Variants in EYA4 observed in about 807,000 individuals in gnomAD.
The protein encoded by EYA4 is EYA transcriptional coactivator and phosphatase 4, also known as protein phosphatase EYA4.
A neutral mutation model predicts 87.9 loss-of-function variants in EYA4; 31 were observed. The ratio of observed to expected loss-of-function variants is 0.35; its 90% CI spans 0.27 to 0.48. EYA4 has a LOEUF of 0.48. Among genes scored for constraint, EYA4 ranks in the 20% least tolerant of loss-of-function variants. The probability of loss-of-function intolerance (pLI) is 0.99; values close to 1 mark genes in which losing one functional copy is unlikely to be tolerated. For synonymous variants in EYA4, 263 were observed against 270.6 expected, an observed-to-expected ratio of 0.97 and a Z score of 0.28; for missense variants, 678 against 761.4, an observed-to-expected ratio of 0.89 and a Z score of 1.29.
At chr6:133,275,753 A>T (rs762235210) in intron 2 of EYA4, among the ~76,000 whole-genome samples, 2 of 152,124 alleles carry the variant, frequency 1.3e-5, no homozygotes, top group South Asian at 2.1e-4. Context: ...TTTCTAGTGG[A>T]TATTTTATTT....
At chr6:133,326,754 C>T (rs918191499) in intron 2 of EYA4, among the ~76,000 whole-genome samples, 4 of 152,218 alleles carry the variant, frequency 2.6e-5, no homozygotes, top group Non-Finnish European at 5.9e-5. Context: ...ATCCCTTCAC[C>T]GTGACTGAAG....
intron 2 of EYA4, among the ~76,000 whole-genome samples, chr6:133,336,365 T>C (rs1418183077): frequency 6.6e-6 from 1 of 152,186 alleles, no homozygotes; most frequent in African/African-American, 2.4e-5. Context: ...GATTGTGTGA[T>C]GTGATAGAAT....
chr6:133,354,809 T>C (rs1783892455), intron 2 of EYA4, among the ~76,000 whole-genome samples: 1 of 152,336 alleles, frequency 6.6e-6, no homozygotes, highest in South Asian at 2.1e-4. Flanking sequence ...ACTTTATTTC[T>C]GTTTATGAAG....
chr6:133,253,564 C>A (rs1775095617), intron 1 of EYA4, among the ~76,000 whole-genome samples: 2 of 151,976 alleles, frequency 1.3e-5, no homozygotes, highest in Admixed American at 1.3e-4. Context: ...TTTTTTCTCC[C>A]TGGCATATTC....
At chr6:133,491,111 G>T (rs74950525) in intron 13 of EYA4, among the ~76,000 whole-genome samples, 1 of 152,022 alleles carries the variant, frequency 6.6e-6, no homozygotes, top group Non-Finnish European at 1.5e-5. Flanking sequence ...TGACCAATGG[G>T]TCAATGAAAA....
At position 133,385,444 on chromosome 6, in the gene EYA4, A is replaced by T. The variant is rs867368026; in HGVS notation, c.83+3003A>T. ...GTGTGTGTGTGTGTGTGTGTGTGAGAGAGAGAGAGAGAGATTCAGATTGAG... is the reference window on the plus strand; with the variant it reads ...GTGTGTGTGTGTGTGTGTGTGTGAGTGAGAGAGAGAGAGATTCAGATTGAG... On this transcript the variant is annotated intron_variant, in intron 3 of 19. Transcript: ENST00000355286. Among the ~76,000 whole-genome samples the T allele has an allele frequency of 3.9e-3, 549 of 142,258 alleles. 6 individuals carry two copies. The highest frequency in any genetic ancestry group is 0.014 in the African/African-American group (505 of 35,170). 93.3% of individuals were successfully genotyped at this position (142,258 alleles called of 152,430 possible).
At chr6:133,242,011 G>T (rs1773986882) in intron 1 of EYA4, among the ~76,000 whole-genome samples, 2 of 152,176 alleles carry the variant, frequency 1.3e-5, no homozygotes, top group Admixed American at 6.5e-5. Context: ...AAGCCCCAAG[G>T]GTCCCTTCCG....
rs569207067 is a variant in EYA4 at position 133,431,537 on chromosome 6, A to T, written c.84-15093A>T. 5.3e-5 allele frequency among the ~76,000 whole-genome samples: 8 copies of T among 152,338 alleles called. No individual in the cohort carries two copies. In the South Asian group the frequency reaches 1.7e-3, roughly 32 times the overall value. On this transcript the variant is annotated intron_variant, in intron 3 of 19. Transcript: ENST00000355286. ...TATTCATATAGAAATCATTCAGTTGATGCTAGTTGACTAATCACTCCTCAT... is the reference window on the plus strand; with the variant it reads ...TATTCATATAGAAATCATTCAGTTGTTGCTAGTTGACTAATCACTCCTCAT...
chr6:133,477,687 A>C (rs938352079), intron 11 of EYA4, among the ~76,000 whole-genome samples: 2 of 152,046 alleles, frequency 1.3e-5, no homozygotes, highest in East Asian at 1.9e-4. Flanking sequence ...TTCTGCAGTC[A>C]TACCAGTGTT....
At chr6:133,383,341 C>A (rs1222370328) in intron 3 of EYA4, among the ~76,000 whole-genome samples, 1 of 151,548 alleles carries the variant, frequency 6.6e-6, no homozygotes, top group East Asian at 2.0e-4. Context: ...ATGGTGAAAC[C>A]CCATCTCTAC....
At position 133,274,723 on chromosome 6, in the gene EYA4, T is replaced by C; in HGVS notation, c.-58T>C. ...TCCATCTTCTTGTTTTAGATAGTCA[T>C]TTTTACTTGAAGGAAGCTGCTTCTA... On this transcript the variant is annotated 5_prime_UTR_variant, in exon 2 of 20. Transcript: ENST00000355286. The C allele has an allele frequency of 1.0e-5, 15 of 1,467,796 alleles. No homozygotes were observed. Among genetic ancestry groups the C allele is most frequent in the Non-Finnish European group, 1.4e-5 (15 of 1,047,300 alleles). 90.9% of individuals were successfully genotyped at this position (1,467,796 alleles called of 1,614,324 possible).
chr6:133,371,316 G>A (rs1364504383), intron 2 of EYA4, among the ~76,000 whole-genome samples: 2 of 152,126 alleles, frequency 1.3e-5, no homozygotes, highest in Non-Finnish European at 2.9e-5. Flanking sequence ...AAGTTTTCCC[G>A]TTTGGTTTAC....
chr6:133,527,806 G>A (rs1800756940), intron 19 of EYA4, among the ~76,000 whole-genome samples: 1 of 152,060 alleles, frequency 6.6e-6, no homozygotes, highest in Non-Finnish European at 1.5e-5. Context: ...TTATATACAT[G>A]AATATTTTAT....
At chr6:133,466,922 T>A (rs1794901905) in intron 10 of EYA4, among the ~76,000 whole-genome samples, 1 of 152,114 alleles carries the variant, frequency 6.6e-6, no homozygotes, top group African/African-American at 2.4e-5. Context: ...TGGGAGGCTA[T>A]GATAGCATTT....
chr6:133,288,237 T>G (rs1778224637), intron 2 of EYA4, among the ~76,000 whole-genome samples: 1 of 152,140 alleles, frequency 6.6e-6, no homozygotes, highest in Non-Finnish European at 1.5e-5. Context: ...CCAGTAAAAT[T>G]TTATTTACAA....
At chr6:133,299,638 G>A (rs1033141723) in intron 2 of EYA4, among the ~76,000 whole-genome samples, 33 of 151,790 alleles carry the variant, frequency 2.2e-4, no homozygotes, top group African/African-American at 7.7e-4. Flanking sequence ...CGTGAACCCG[G>A]GAGGCGGAGC....
At chr6:133,294,140 C>T (rs1298246929) in intron 2 of EYA4, among the ~76,000 whole-genome samples, 17 of 141,306 alleles carry the variant, frequency 1.2e-4, no homozygotes, top group Admixed American at 3.7e-4. Flanking sequence ...TTATGAGTTG[C>T]GACAGTGATG....
chr6:133,320,689 T>G (rs1428038584), intron 2 of EYA4, among the ~76,000 whole-genome samples: 1 of 152,116 alleles, frequency 6.6e-6, no homozygotes. Context: ...AACCCTCCCC[T>G]CTTTTTGGAT....
At chr6:133,444,033 A>G (rs1792561384) in intron 3 of EYA4, among the ~76,000 whole-genome samples, 1 of 152,210 alleles carries the variant, frequency 6.6e-6, no homozygotes, top group African/African-American at 2.4e-5. Flanking sequence ...ACTGTCAATT[A>G]GGTCACATTG....
Sources: gnomAD v4.1 joint callset for allele counts (sites outside exome capture counted in the v4.1 genomes callset) on GRCh38, gnomAD v4.1.1 for gene constraint, MANE v1.5 for transcripts, NCBI Gene and HGNC (gene_info 2026-07-23, HGNC 2026-07-21) for gene names.